The following TRMT11 variants were observed in gnomAD, a reference collection of about 807,000 sequenced individuals.
TRMT11 encodes the protein tRNA methyltransferase 11.
Under a neutral mutation model 62.8 loss-of-function variants are expected in TRMT11, and 53 were observed. The observed-to-expected ratio is 0.84, with a 90% CI of 0.68 to 1.06. The LOEUF is 1.06. Ranked by LOEUF, TRMT11 falls within the 50% of genes least tolerant of loss-of-function variation. TRMT11 has a pLI of 0.00. For missense variants in TRMT11, 556 were observed against 553.4 expected, an observed-to-expected ratio of 1.00 and a Z score of -0.05; for synonymous variants, 188 against 190.3, an observed-to-expected ratio of 0.99 and a Z score of 0.10.
chr6:126,042,345 C>T (rs1037817181), downstream of TRMT11, among the ~76,000 whole-genome samples: 3 of 152,144 alleles, frequency 2.0e-5, no homozygotes, highest in Non-Finnish European at 4.4e-5. Flanking sequence ...TGAGGCCAAC[C>T]TGGAATTTGG....
chr6:126,032,884 A>G (rs987044416), intron 12 of TRMT11, among the ~76,000 whole-genome samples: 2 of 152,316 alleles, frequency 1.3e-5, no homozygotes, highest in Admixed American at 1.3e-4. Flanking sequence ...ATCCATTTAA[A>G]GGAAGAGTAG....
At chr6:126,025,789 A>T (rs1350945270) in intron 12 of TRMT11, among the ~76,000 whole-genome samples, 4 of 152,166 alleles carry the variant, frequency 2.6e-5, no homozygotes, top group African/African-American at 9.7e-5. Flanking sequence ...ACTTTTGTAT[A>T]CTGTGTCTCT....
the TRMT11 span, among the ~76,000 whole-genome samples, chr6:126,235,187 A>G: frequency 3.3e-5 from 5 of 152,172 alleles, no homozygotes; most frequent in African/African-American, 1.2e-4. Context: ...GGCTATTACT[A>G]AAAAGTCAAA....
the TRMT11 span, among the ~76,000 whole-genome samples, chr6:126,214,457 T>C: frequency 1.3e-5 from 2 of 151,990 alleles, no homozygotes; most frequent in Non-Finnish European, 1.5e-5. Context: ...TTATGGTTAA[T>C]ACTGGTAGGC....
intron 21 of TRMT11, among the ~76,000 whole-genome samples, chr6:126,127,088 C>G (rs1007493604): frequency 6.6e-6 from 1 of 152,056 alleles, no homozygotes; most frequent in African/African-American, 2.4e-5. Context: ...GGTTGATGAC[C>G]GGTCTCCTTC....
the TRMT11 span, among the ~76,000 whole-genome samples, chr6:126,228,538 T>G: frequency 6.6e-6 from 1 of 152,188 alleles, no homozygotes; most frequent in Non-Finnish European, 1.5e-5. Context: ...TCACTTGTGA[T>G]CCTCCTCAGG....
chr6:126,021,164 A>G lies in TRMT11; in HGVS notation c.1144A>G (p.Thr382Ala). The G allele has an allele frequency of 6.2e-7, 1 of 1,614,044 alleles. No homozygotes were observed. The highest frequency in any genetic ancestry group is 2.2e-5 in the East Asian group (1 of 44,868). ...YWLPVYTPEY[T>A]EEMVPWHPCL... Reference sequence around the variant, plus strand: ...AGTCAGCTGTTCTTTCTTCAGATACACTGAAGAGATGGTGCCTTGGCACCC... The same window carrying G: ...AGTCAGCTGTTCTTTCTTCAGATACGCTGAAGAGATGGTGCCTTGGCACCC... The change falls in exon 12 of 13, where the codon ACT (threonine) becomes GCT (alanine). Residue 382 changes from threonine (T) to alanine (A), a missense_variant. Transcript: ENST00000334379.
the TRMT11 span, among the ~76,000 whole-genome samples, chr6:126,225,564 ATCTTGGCTCTTC>A: frequency 2.0e-5 from 3 of 151,976 alleles, no homozygotes; most frequent in African/African-American, 7.3e-5. Context: ...CTAGTCCACC[ATCTTGGCTCTTC>A]TCTGTAGTCA....
At chr6:126,127,393 G>T (rs966540006) in intron 21 of TRMT11, among the ~76,000 whole-genome samples, 1 of 152,056 alleles carries the variant, frequency 6.6e-6, no homozygotes, top group Non-Finnish European at 1.5e-5. Context: ...AAGGATTGAA[G>T]TTGACTCAAT....
chr6:125,987,314 T>C (rs1387070391), intron 1 of TRMT11: 1 of 152,114 alleles, frequency 6.6e-6, no homozygotes, highest in East Asian at 1.9e-4. Flanking sequence ...GAGATGACAC[T>C]TGAAATAAAG....
intron 1 of TRMT11, among the ~76,000 whole-genome samples, chr6:125,992,471 A>G (rs528226477): frequency 2.0e-3 from 309 of 152,256 alleles, no homozygotes; most frequent in African/African-American, 7.2e-3. Context: ...AAGTGCTATA[A>G]CTCTATCAGT....
At chr6:126,246,001 CTG>C in the TRMT11 span, among the ~76,000 whole-genome samples, 1 of 152,230 alleles carries the variant, frequency 6.6e-6, no homozygotes, top group South Asian at 2.1e-4. Context: ...GGGTTGGACA[CTG>C]TGGCTTATGC....
At chr6:126,004,470 G>T (rs1793034966) in intron 7 of TRMT11, among the ~76,000 whole-genome samples, 1 of 151,946 alleles carries the variant, frequency 6.6e-6, no homozygotes, top group Admixed American at 6.6e-5. Flanking sequence ...TCAATTTTTG[G>T]TGCTTTTGTT....
the TRMT11 span, among the ~76,000 whole-genome samples, chr6:126,223,292 G>A: frequency 6.6e-6 from 1 of 152,020 alleles, no homozygotes; most frequent in Admixed American, 6.6e-5. Context: ...ATGGTGGTGG[G>A]CGCCTGTAGT....
chr6:126,145,674 C>T (rs888525839), intron 21 of TRMT11, among the ~76,000 whole-genome samples: 2 of 152,120 alleles, frequency 1.3e-5, no homozygotes, highest in African/African-American at 4.8e-5. Context: ...TTTCAGCAGC[C>T]GTTTCAGGGT....
chr6:126,003,320 G>A (rs186768283), intron 7 of TRMT11, among the ~76,000 whole-genome samples: 27 of 152,130 alleles, frequency 1.8e-4, no homozygotes, highest in African/African-American at 5.8e-4. Context: ...TGTATTTTAT[G>A]TACAGCCCAA....
chr6:126,031,330 T>C (rs949638517), intron 12 of TRMT11, among the ~76,000 whole-genome samples: 6 of 152,190 alleles, frequency 3.9e-5, no homozygotes, highest in Non-Finnish European at 8.8e-5. Context: ...AGGAAGGCCA[T>C]AGTTTTCATC....
chr6:126,266,844 T>C, the TRMT11 span, among the ~76,000 whole-genome samples: 2 of 152,178 alleles, frequency 1.3e-5, no homozygotes, highest in African/African-American at 2.4e-5. Context: ...TAATCACAGT[T>C]TTTTTATAGT....
At chr6:126,075,136 C>T (rs1210359868) in intron 17 of TRMT11, among the ~76,000 whole-genome samples, 3 of 152,088 alleles carry the variant, frequency 2.0e-5, no homozygotes, top group Non-Finnish European at 4.4e-5. Flanking sequence ...ATATTGTCTG[C>T]AAATTAATCA....
Sources: allele counts gnomAD v4.1 joint callset (sites outside exome capture counted in the v4.1 genomes callset), GRCh38; gene constraint gnomAD v4.1.1; transcripts MANE v1.5; gene names NCBI Gene and HGNC (gene_info 2026-07-23, HGNC 2026-07-21).